Variants in RNF170 observed in about 807,000 individuals in gnomAD.
The protein encoded by RNF170 is E3 ubiquitin-protein ligase RNF170.
A neutral mutation model predicts 32.7 loss-of-function variants in RNF170; 12 were observed. The observed-to-expected ratio is 0.37, with a 90% CI of 0.24 to 0.60. The LOEUF (loss-of-function observed/expected upper bound fraction) is 0.60. Ranked by LOEUF, RNF170 falls within the 20% of genes least tolerant of loss-of-function variation. The pLI is 0.72. For missense variants in RNF170, 212 were observed against 311.2 expected, an observed-to-expected ratio of 0.68 and a Z score of 2.40; for synonymous variants, 91 against 103.6, an observed-to-expected ratio of 0.88 and a Z score of 0.74.
chr8:42,852,515 T>C (rs1038569371), downstream of RNF170, among the ~76,000 whole-genome samples: 3 of 152,030 alleles, frequency 2.0e-5, no homozygotes, highest in African/African-American at 7.3e-5. Context: ...CCTTCCAGGT[T>C]CAAGCGATTC....
intron 1 of RNF170, among the ~76,000 whole-genome samples, chr8:42,895,496 T>C (rs551573911): frequency 6.6e-6 from 1 of 152,220 alleles, no homozygotes; most frequent in Non-Finnish European, 1.5e-5. Flanking sequence ...GTGGTAGTTA[T>C]GCATACTCTA....
At position 42,854,531 on chromosome 8, in the gene RNF170, T is replaced by C; in HGVS notation, c.*1628A>G. On this transcript the variant is annotated 3_prime_UTR_variant, in exon 7 of 7. Coordinates refer to ENST00000527424, the MANE Select transcript of RNF170 (RefSeq NM_030954.4). ...AATGTGCTATGTTTAAGCATTATTGTTTTTCTCTATGACAAGCAACAGCTC... is the reference window on the plus strand; with the variant it reads ...AATGTGCTATGTTTAAGCATTATTGCTTTTCTCTATGACAAGCAACAGCTC... 7.8e-7 allele frequency: 1 copy of C among 1,287,108 alleles called. No individual in the cohort carries two copies. The highest frequency in any genetic ancestry group is 1.0e-6 in the Non-Finnish European group (1 of 988,564). The allele number at this position is 1,287,108 out of a possible 1,614,324, so 79.7% of individuals were successfully genotyped here. A position where few individuals can be genotyped will look rare whatever the true frequency, so the allele number is the denominator to read the frequency against.
intron 4 of RNF170, among the ~76,000 whole-genome samples, chr8:42,866,983 C>CT (rs1424976616): frequency 2.0e-5 from 3 of 152,226 alleles, no homozygotes; most frequent in Non-Finnish European, 4.4e-5. Context: ...GGTGTCCCTT[C>CT]TCCCTCCACG....
At chr8:42,880,692 C>T (rs1805323396) in intron 2 of RNF170, among the ~76,000 whole-genome samples, 3 of 152,036 alleles carry the variant, frequency 2.0e-5, no homozygotes, top group Non-Finnish European at 4.4e-5. Context: ...ATTGCTTGAA[C>T]CTGGGAGGTG....
intron 4 of RNF170, among the ~76,000 whole-genome samples, chr8:42,866,786 C>A (rs534909063): frequency 6.6e-6 from 1 of 152,270 alleles, no homozygotes; most frequent in East Asian, 1.9e-4. Context: ...AGTCTGGCGA[C>A]CTCAAGAAGG....
chr8:42,874,483 G>A (rs1344902022), intron 2 of RNF170, among the ~76,000 whole-genome samples: 5 of 152,212 alleles, frequency 3.3e-5, no homozygotes, highest in African/African-American at 7.2e-5. Context: ...GCTCATGCCT[G>A]TAATCCCAGC....
chr8:42,856,329 T>G lies in RNF170; in HGVS notation c.607A>C (p.Ile203Leu), dbSNP rs1803241569. 1 of 1,592,136 alleles carries G rather than the reference T, an allele frequency of 6.3e-7. No homozygotes were observed. Among genetic ancestry groups the G allele is most frequent in the East Asian group, 2.2e-5 (1 of 44,784 alleles). Residue 203 changes from isoleucine (I) to leucine (L), a missense_variant, in exon 7 of 7, where the codon ATA becomes CTA. This residue lies in a region of RNF170 where 97 missense variants were observed against 178.9 expected (regional missense o/e 0.54). Coordinates refer to ENST00000527424, the MANE Select transcript of RNF170 (RefSeq NM_030954.4). The part of the protein sequence containing the change: ...GLFWMFRIRI[I>L]LCLMGAFFYL... ...AAAAAAGCTCCCATTAAACAAAGTA[T>G]TATCCTGATGCGAAACATCCAGAAA...
intron 3 of RNF170, 95 bp downstream of exon 3, chr8:42,873,836 A>G: frequency 1.3e-6 from 1 of 776,936 alleles, no homozygotes; most frequent in Non-Finnish European, 2.3e-6. Context: ...AAAGAAGCCC[A>G]TGTTTCCAAA....
intron 1 of RNF170, chr8:42,896,143 T>TA (rs747434866): frequency 1.1e-4 from 24 of 216,438 alleles, no homozygotes; most frequent in African/African-American, 4.3e-4. Flanking sequence ...CCGGTGTCCT[T>TA]ACGGATTGGC....
At chr8:42,867,876 G>A (rs2128932052) in intron 4 of RNF170, among the ~76,000 whole-genome samples, 1 of 151,658 alleles carries the variant, frequency 6.6e-6, no homozygotes, top group East Asian at 1.9e-4. Flanking sequence ...GATTTGAACT[G>A]AACTTCATAG....
intron 5 of RNF170, among the ~76,000 whole-genome samples, chr8:42,863,583 A>G (rs1803827641): frequency 6.6e-6 from 1 of 152,206 alleles, no homozygotes; most frequent in Non-Finnish European, 1.5e-5. Context: ...CTGGGACTAC[A>G]GGTGTGCGCC....
At chr8:42,896,326 C>G (rs929497006) in intron 1 of RNF170, 158 bp downstream of exon 1, 1 of 387,726 alleles carries the variant, frequency 2.6e-6, no homozygotes, top group African/African-American at 2.2e-5. Flanking sequence ...GATTCTGGGG[C>G]TTCCAGACGA....
chr8:42,866,337 C>T (rs1358743053), intron 4 of RNF170, among the ~76,000 whole-genome samples: 7 of 151,844 alleles, frequency 4.6e-5, no homozygotes, highest in Non-Finnish European at 7.4e-5. Context: ...GTCAGGAGTT[C>T]GAGACCAGCC....
chr8:42,888,382 G>A (rs1806009785), intron 1 of RNF170, among the ~76,000 whole-genome samples: 1 of 151,412 alleles, frequency 6.6e-6, no homozygotes, highest in South Asian at 2.1e-4. Context: ...TTTCTTTTAA[G>A]GAAAACAATT....
Position 42,856,138 on chromosome 8 carries a change from A to G in RNF170, c.*21T>C. On this transcript the variant is annotated 3_prime_UTR_variant, in exon 7 of 7. Transcript: ENST00000527424. Reference sequence around the variant, plus strand: ...CTACATTAGCTCAGATATCCTAGTAAACTCAGTTTTGTTTTCTTTTTCATC... The same window carrying G: ...CTACATTAGCTCAGATATCCTAGTAGACTCAGTTTTGTTTTCTTTTTCATC... 6.2e-7 allele frequency: 1 copy of G among 1,611,444 alleles called. No homozygotes were observed. The highest frequency in any genetic ancestry group is 8.5e-7 in the Non-Finnish European group (1 of 1,179,644).
intron 1 of RNF170, among the ~76,000 whole-genome samples, chr8:42,893,495 C>T (rs933125039): frequency 3.3e-5 from 5 of 152,206 alleles, no homozygotes; most frequent in Non-Finnish European, 5.9e-5. Context: ...GTTTCAGTCT[C>T]AGCTTCCTCA....
rs1285479382 is a variant in RNF170, at chr8:42,853,849, A to G, written c.*2310T>C. 1.6e-6 allele frequency: 2 copies of G among 1,286,782 alleles called. No individual in the cohort carries two copies. Among genetic ancestry groups the G allele is most frequent in the East Asian group, 1.1e-4 (2 of 18,028 alleles). The allele number at this position is 1,286,782 out of a possible 1,614,324, so 79.7% of individuals were successfully genotyped here. The stretch of plus-strand genomic sequence containing the variant: ...CTTTAAGATCATTTAGTATTTTTTT[A>G]TGTTACAAAATTTGGTACAATACAC... On this transcript the variant is annotated 3_prime_UTR_variant, in exon 7 of 7. Transcript: ENST00000527424.
chr8:42,886,698 AT>A (rs1232815140), intron 2 of RNF170, among the ~76,000 whole-genome samples: 12 of 151,806 alleles, frequency 7.9e-5, no homozygotes, highest in East Asian at 5.9e-4. Flanking sequence ...AGGTGCTGGG[AT>A]TACCGGCGTG....
downstream of RNF170, chr8:42,850,507 CTTTA>C (rs1802914229): frequency 1.2e-5 from 5 of 429,620 alleles, no homozygotes; most frequent in Admixed American, 7.1e-5. Context: ...CTTTCCCTTG[CTTTA>C]TTTATTAATC....
Sources: gnomAD v4.1 joint callset for allele counts (sites outside exome capture counted in the v4.1 genomes callset) on GRCh38, gnomAD v4.1.1 for gene constraint, gnomAD v4.1.1 regional missense constraint, MANE v1.5 for transcripts, NCBI Gene and HGNC (gene_info 2026-07-23, HGNC 2026-07-21) for gene names.